PUDP: variants seen among roughly 807,000 people sequenced by gnomAD.
PUDP encodes pseudouridine-5'-phosphatase.
PUDP carries 8 observed loss-of-function variants against 9.4 expected under a neutral mutation model. That is an observed-to-expected ratio of 0.85 (90% CI 0.50 to 1.53). PUDP has a LOEUF of 1.53. Among genes scored for constraint, PUDP ranks in the 40% most tolerant of loss-of-function variants. PUDP has a pLI of 0.00. For missense variants in PUDP, 188 were observed against 189.7 expected (o/e 0.99, Z 0.05); for synonymous variants, 99 against 80.7 (o/e 1.23, Z -1.22).
At chrX:7,010,314 C>T (rs1394793392) in intron 1 of PUDP, among the ~76,000 whole-genome samples, 1 of 111,265 alleles carries the variant, frequency 9.0e-6, no homozygotes, top group South Asian at 3.9e-4. Flanking sequence ...CCATTCTTCA[C>T]AGGGCTTGAT....
At chrX:7,055,305 G>A (rs1026661699) in intron 3 of PUDP, among the ~76,000 whole-genome samples, 1 of 111,356 alleles carries the variant, frequency 9.0e-6, no homozygotes, top group Admixed American at 9.5e-5. Context: ...AGGCTGGAGT[G>A]CAATGGCAAG....
chrX:6,835,805 C>T lies in PUDP; in HGVS notation c.*248-129339G>A, dbSNP rs1048864870. Among the ~76,000 whole-genome samples the T allele has an allele frequency of 8.3e-4, 92 of 110,972 alleles. 1 individual carries two copies. The highest frequency in any genetic ancestry group is 2.7e-3 in the African/African-American group (81 of 30,560). On this transcript the variant is annotated intron_variant and NMD_transcript_variant, in intron 3 of 3. Coordinates refer to the PUDP transcript ENST00000655425. ...TCAGCTCACTGCAAACTTCACCTCCCGAGTTCATGTGATTCTCCTGCCTCA... is the reference window on the plus strand; with the variant it reads ...TCAGCTCACTGCAAACTTCACCTCCTGAGTTCATGTGATTCTCCTGCCTCA...
At chrX:6,906,018 G>A (rs905023812) in intron 3 of PUDP, among the ~76,000 whole-genome samples, 8 of 111,587 alleles carry the variant, frequency 7.2e-5, no homozygotes, top group African/African-American at 2.6e-4. Flanking sequence ...CAAACTTGAC[G>A]CATTCTATGC....
At chrX:6,788,738 T>C (rs1020132089) in intron 3 of PUDP, among the ~76,000 whole-genome samples, 41 of 112,040 alleles carry the variant, frequency 3.7e-4, no homozygotes, top group African/African-American at 1.3e-3. Flanking sequence ...GAGGAGCATC[T>C]GTACATTGAA....
At chrX:6,816,135 A>G (rs927244836) in intron 3 of PUDP, among the ~76,000 whole-genome samples, 1 of 107,081 alleles carries the variant, frequency 9.3e-6, no homozygotes, top group Admixed American at 1.0e-4. Context: ...ATAAACACAA[A>G]CAATACAAAG....
At position 6,856,443 on chromosome X, in the gene PUDP, C is replaced by A. The variant is rs746649597; in HGVS notation, c.*247+120690G>T. 4.6e-3 allele frequency among the ~76,000 whole-genome samples: 518 copies of A among 111,938 alleles called. 1 individual carries two copies. The highest frequency in any genetic ancestry group is 0.015 in the African/African-American group (471 of 30,858). Reference sequence around the variant, plus strand: ...TGCAACCCTTGCTCACATTAGGGCACCAAAATGCCTACAAATGCAATCATT... The same window carrying A: ...TGCAACCCTTGCTCACATTAGGGCAACAAAATGCCTACAAATGCAATCATT... On this transcript the variant is annotated intron_variant and NMD_transcript_variant, in intron 3 of 3. Coordinates refer to the PUDP transcript ENST00000655425.
At chrX:6,926,922 C>CTTTTT (rs61299123) in intron 3 of PUDP, among the ~76,000 whole-genome samples, 11 of 66,851 alleles carry the variant, frequency 1.6e-4, no homozygotes, top group Non-Finnish European at 2.1e-4. Flanking sequence ...GAGACAATTC[C>CTTTTT]TTTTTTTTTT....
At chrX:7,026,901 T>A (rs1486143148) in intron 1 of PUDP, among the ~76,000 whole-genome samples, 1 of 111,606 alleles carries the variant, frequency 9.0e-6, no homozygotes, top group African/African-American at 3.3e-5. Flanking sequence ...AACCTGCGAT[T>A]CTCTCTCCTC....
At chrX:6,921,187 C>T (rs776913620) in intron 3 of PUDP, among the ~76,000 whole-genome samples, 6 of 110,278 alleles carry the variant, frequency 5.4e-5, no homozygotes, top group Non-Finnish European at 9.5e-5. Flanking sequence ...AGTTCAGGAC[C>T]GGCCTGGACA....
intron 3 of PUDP, among the ~76,000 whole-genome samples, chrX:6,958,768 A>G (rs1339571965): frequency 9.6e-6 from 1 of 103,987 alleles, no homozygotes; most frequent in Non-Finnish European, 2.0e-5. Context: ...AAAAAAAAAG[A>G]GAAAAGGTCC....
At chrX:6,900,081 G>A (rs904295616) in intron 3 of PUDP, among the ~76,000 whole-genome samples, 3 of 110,214 alleles carry the variant, frequency 2.7e-5, no homozygotes, top group African/African-American at 6.6e-5. Flanking sequence ...TAGCATGGTG[G>A]TGCATGCCTG....
At chrX:7,076,368 C>T (rs917858221) in intron 3 of PUDP, among the ~76,000 whole-genome samples, 2 of 111,672 alleles carry the variant, frequency 1.8e-5, no homozygotes, top group East Asian at 2.8e-4. Flanking sequence ...AGAGACTCCC[C>T]GACGGATGCC....
intron 1 of PUDP, among the ~76,000 whole-genome samples, chrX:7,019,691 C>G (rs1183715758): frequency 8.9e-6 from 1 of 112,010 alleles, no homozygotes; most frequent in Non-Finnish European, 1.9e-5. Flanking sequence ...AGCCTCCATT[C>G]TTCAACCTCA....
chrX:6,710,010 C>T (rs1602595496), intron 1 of PUDP, among the ~76,000 whole-genome samples: 1 of 111,406 alleles, frequency 9.0e-6, no homozygotes, highest in African/African-American at 3.3e-5. Context: ...GTAATCTCAG[C>T]TACTCACAAG....
At chrX:6,894,961 G>C (rs1029622684) in intron 3 of PUDP, among the ~76,000 whole-genome samples, 1 of 111,013 alleles carries the variant, frequency 9.0e-6, no homozygotes. Flanking sequence ...GTCTCCAGTA[G>C]GTTGCTGTTA....
At chrX:7,147,645 C>T (rs1396533712) in intron 1 of PUDP, among the ~76,000 whole-genome samples, 1 of 112,233 alleles carries the variant, frequency 8.9e-6, no homozygotes, top group East Asian at 2.8e-4. Flanking sequence ...GAAGCTGAGG[C>T]TGGGCACCGC....
intron 3 of PUDP, among the ~76,000 whole-genome samples, chrX:6,944,848 T>C (rs1317496365): frequency 9.0e-6 from 1 of 111,259 alleles, no homozygotes; most frequent in Non-Finnish European, 1.9e-5. Context: ...GTCATGCCCA[T>C]GGACCAGAGC....
intron 3 of PUDP, among the ~76,000 whole-genome samples, chrX:6,890,231 T>C (rs1227848739): frequency 1.8e-5 from 2 of 111,963 alleles, no homozygotes; most frequent in Non-Finnish European, 3.8e-5. Flanking sequence ...GATTCCATTA[T>C]AATTTTCAGC....
At chrX:6,869,594 T>C (rs1927142160) in intron 3 of PUDP, among the ~76,000 whole-genome samples, 1 of 111,588 alleles carries the variant, frequency 9.0e-6, no homozygotes, top group African/African-American at 3.3e-5. Context: ...GGAGAGCTCC[T>C]TTGGCCTTTT....
Sources: gnomAD v4.1 joint callset for allele counts (sites outside exome capture counted in the v4.1 genomes callset) on GRCh38, gnomAD v4.1.1 for gene constraint, MANE v1.5 for transcripts, NCBI Gene and HGNC (gene_info 2026-07-23, HGNC 2026-07-21) for gene names.